RB1: variants seen among roughly 807,000 people sequenced by gnomAD.
RB1 encodes the protein RB transcriptional corepressor 1, also known as retinoblastoma-associated protein.
A neutral mutation model predicts 135.4 loss-of-function variants in RB1; 18 were observed. That is an observed-to-expected ratio of 0.13 (90% CI 0.09 to 0.20). The LOEUF (loss-of-function observed/expected upper bound fraction) is 0.20. Among genes scored for constraint, RB1 ranks in the 10% least tolerant of loss-of-function variants. The pLI, the probability that RB1 is intolerant of heterozygous loss-of-function variation, is 1.00. For missense variants in RB1, 868 were observed against 1,110.0 expected (o/e 0.78, Z 3.10); for synonymous variants, 365 against 373.2 (o/e 0.98, Z 0.25).
chr13:48,461,595 T>C (rs1053479428), intron 20 of RB1, among the ~76,000 whole-genome samples: 1 of 152,166 alleles, frequency 6.6e-6, no homozygotes, highest in African/African-American at 2.4e-5. Context: ...GGCTATACCA[T>C]TTTACATGCC....
intron 17 of RB1, among the ~76,000 whole-genome samples, chr13:48,442,145 C>T (rs1949243288): frequency 6.6e-6 from 1 of 152,224 alleles, no homozygotes; most frequent in South Asian, 2.1e-4. Context: ...CTTTTAATGT[C>T]TGTTTCTCAC....
intron 17 of RB1, among the ~76,000 whole-genome samples, chr13:48,415,188 C>T (rs1948887419): frequency 1.3e-5 from 2 of 151,924 alleles, no homozygotes; most frequent in Admixed American, 1.3e-4. Context: ...TTTATTAATT[C>T]TACTTGGAAT....
intron 2 of RB1, chr13:48,318,571 C>T (rs758984264): frequency 1.5e-6 from 1 of 662,226 alleles, no homozygotes; most frequent in Non-Finnish European, 2.6e-6. Context: ...TTGCCCTGGA[C>T]GGGCAGGTCC....
intron 2 of RB1, among the ~76,000 whole-genome samples, chr13:48,337,056 A>G (rs749184504): frequency 6.1e-4 from 93 of 152,176 alleles, no homozygotes; most frequent in Non-Finnish European, 1.2e-3. Context: ...ACAGTTTGTT[A>G]TAATTTCTTT....
At chr13:48,306,658 G>A (rs549190034) in intron 1 of RB1, among the ~76,000 whole-genome samples, 1 of 152,076 alleles carries the variant, frequency 6.6e-6, no homozygotes, top group Non-Finnish European at 1.5e-5. Context: ...TATGTTTAAG[G>A]TACTTTCTAC....
intron 18 of RB1, among the ~76,000 whole-genome samples, chr13:48,453,350 G>T (rs1949340518): frequency 6.6e-6 from 1 of 152,208 alleles, no homozygotes; most frequent in Non-Finnish European, 1.5e-5. Context: ...GGCAGAGTTG[G>T]CAGTTTAGGT....
Position 48,362,858 on chromosome 13 carries a change from G to A in RB1, c.762G>A (p.Arg254=), listed in dbSNP as rs2138112310. Residue 254 remains arginine (R), a synonymous_variant, in exon 8 of 27, where the codon AGG becomes AGA. Transcript: ENST00000267163. The part of the protein sequence containing the change: ...IPINGSPRTP[R]RGQNRSARIA... ...TTAATGGTTCACCTCGAACACCCAG[G>A]CGAGGTCAGAACAGGAGTGCACGGA... 1 of 1,613,774 alleles carries A rather than the reference G, an allele frequency of 6.2e-7. No individual in the cohort carries two copies. Among genetic ancestry groups the A allele is most frequent in the Non-Finnish European group, 8.5e-7 (1 of 1,179,850 alleles).
intron 17 of RB1, among the ~76,000 whole-genome samples, chr13:48,452,072 T>C (rs1418609254): frequency 6.6e-6 from 1 of 152,144 alleles, no homozygotes; most frequent in Non-Finnish European, 1.5e-5. Context: ...CCTGGATTCA[T>C]TGATTTTTTA....
chr13:48,331,178 A>T (rs1952332092), intron 2 of RB1, among the ~76,000 whole-genome samples: 2 of 152,250 alleles, frequency 1.3e-5, no homozygotes, highest in Non-Finnish European at 2.9e-5. Context: ...CTAGCATTAT[A>T]CTCAGTGGGG....
intron 3 of RB1, 72 bp downstream of exon 3, chr13:48,342,786 CT>C: frequency 9.3e-7 from 1 of 1,075,822 alleles, no homozygotes; most frequent in Non-Finnish European, 1.4e-6. Context: ...TCTCAATAGA[CT>C]TTTGTGAATT....
chr13:48,312,656 T>C (rs1952141127), intron 2 of RB1, among the ~76,000 whole-genome samples: 1 of 152,252 alleles, frequency 6.6e-6, no homozygotes, highest in Admixed American at 6.5e-5. Context: ...GTTATCTTTT[T>C]GCATTGCCTC....
chr13:48,404,565 C>T (rs1433800907), intron 17 of RB1, among the ~76,000 whole-genome samples: 1 of 151,722 alleles, frequency 6.6e-6, no homozygotes, highest in African/African-American at 2.4e-5. Context: ...CTCGCTCTGT[C>T]GCCCAGGCTG....
At chr13:48,412,192 T>C in intron 17 of RB1, 1 of 1,614,012 alleles carries the variant, frequency 6.2e-7, no homozygotes, top group Non-Finnish European at 8.5e-7. Flanking sequence ...TTCCGTGTTG[T>C]GAAGTAAAAA....
intron 2 of RB1, chr13:48,333,092 G>A (rs1264482416): frequency 5.0e-6 from 2 of 398,164 alleles, no homozygotes; most frequent in Non-Finnish European, 8.9e-6. Flanking sequence ...CCGTGGATAT[G>A]GAATGACTGA....
intron 17 of RB1, among the ~76,000 whole-genome samples, chr13:48,396,583 A>G (rs1948650148): frequency 6.6e-6 from 1 of 152,240 alleles, no homozygotes; most frequent in African/African-American, 2.4e-5. Context: ...GGACATAGGC[A>G]TGGGCAAAGA....
At chr13:48,445,668 T>G (rs1037266056) in intron 17 of RB1, among the ~76,000 whole-genome samples, 1 of 152,170 alleles carries the variant, frequency 6.6e-6, no homozygotes, top group Admixed American at 6.5e-5. Context: ...CTGTTTATTC[T>G]TCATGAGAGA....
chr13:48,397,471 CA>C (rs1948657540), intron 17 of RB1, among the ~76,000 whole-genome samples: 2 of 152,208 alleles, frequency 1.3e-5, no homozygotes, highest in African/African-American at 4.8e-5. Flanking sequence ...TGGAGGGGAA[CA>C]TCACACACCG....
intron 17 of RB1, among the ~76,000 whole-genome samples, chr13:48,392,331 G>A (rs749318034): frequency 2.0e-5 from 3 of 151,930 alleles, no homozygotes; most frequent in Non-Finnish European, 2.9e-5. Context: ...GGCTGGTCTC[G>A]AACTCCTGAT....
intron 6 of RB1, among the ~76,000 whole-genome samples, chr13:48,353,095 A>T (rs1952562290): frequency 6.6e-6 from 1 of 152,220 alleles, no homozygotes; most frequent in South Asian, 2.1e-4. Context: ...TAGTAGAAGA[A>T]AAGAAAGATC....
Sources: allele counts gnomAD v4.1 joint callset (sites outside exome capture counted in the v4.1 genomes callset), GRCh38; gene constraint gnomAD v4.1.1; transcripts MANE v1.5; gene names NCBI Gene and HGNC (gene_info 2026-07-23, HGNC 2026-07-21).